The following COL5A1 variants were observed in gnomAD, a reference collection of about 807,000 sequenced individuals.
The protein encoded by COL5A1 is collagen type V alpha 1 chain.
COL5A1 carries 16 observed loss-of-function variants against 263.7 expected under a neutral mutation model. The observed-to-expected ratio is 0.06, with a 90% CI of 0.04 to 0.09. COL5A1 has a LOEUF of 0.09. Ranked by LOEUF, COL5A1 falls within the 10% of genes least tolerant of loss-of-function variation. The pLI is 1.00. For missense variants in COL5A1, 2,036 were observed against 2,540.5 expected, an observed-to-expected ratio of 0.80 and a Z score of 4.27; for synonymous variants, 1,012 against 1,004.5, an observed-to-expected ratio of 1.01 and a Z score of -0.14.
chr9:134,779,984 G>C, intron 27 of COL5A1, 118 bp from the exon 28 acceptor site: 2 of 1,112,366 alleles, frequency 1.8e-6, no homozygotes. Flanking sequence ...TTGAGGGCAG[G>C]GCGCTGGCCT....
At position 134,647,527 on chromosome 9, in the gene COL5A1, G is replaced by A. The variant is rs1831514614; in HGVS notation, c.109+5231G>A. ...CTTGCACATGTACCTGCGTTCACATGGGTGTCCCTGGCTGACTCCACGTGC... is the reference window on the plus strand; with the variant it reads ...CTTGCACATGTACCTGCGTTCACATAGGTGTCCCTGGCTGACTCCACGTGC... On this transcript the variant is annotated intron_variant, in intron 1 of 65. Coordinates refer to ENST00000371817, the MANE Select transcript of COL5A1 (RefSeq NM_000093.5). This position sits in a 1 kb window ranked among gnomAD's most constrained non-coding sequence, Gnocchi z 5.0. Among the ~76,000 whole-genome samples the A allele has an allele frequency of 6.6e-6, 1 of 152,180 alleles. No individual in the cohort carries two copies.
At chr9:134,667,114 G>A (rs1324553639) in intron 1 of COL5A1, among the ~76,000 whole-genome samples, 1 of 152,182 alleles carries the variant, frequency 6.6e-6, no homozygotes, top group African/African-American at 2.4e-5. Context: ...GGAACCATAC[G>A]ACTGAGAGCT....
intron 37 of COL5A1, among the ~76,000 whole-genome samples, chr9:134,801,431 C>A (rs931746351): frequency 5.3e-5 from 8 of 152,186 alleles, no homozygotes; most frequent in African/African-American, 1.9e-4. Flanking sequence ...CGAATCGCGT[C>A]GGCCTAAAGA....
chr9:134,701,546 C>T lies in COL5A1; in HGVS notation c.654+213C>T, dbSNP rs3922644. On this transcript the variant is annotated intron_variant, in intron 4 of 65. Transcript: ENST00000371817. ...GCCAGAGCTGCTGCCGCCTGTAGGC[C>T]GCGTGGGGATGGCAGTGGCCGCCCT... Among the ~76,000 whole-genome samples the T allele has an allele frequency of 0.56, 85,943 of 152,172 alleles. 24,591 individuals are homozygous for T. Among genetic ancestry groups the T allele is most frequent in the Admixed American group, 0.68 (10,395 of 15,286 alleles).
chr9:134,784,589 A>G (rs1837382253), intron 29 of COL5A1, among the ~76,000 whole-genome samples: 1 of 152,274 alleles, frequency 6.6e-6, no homozygotes, highest in Non-Finnish European at 1.5e-5. Flanking sequence ...CTGGGGTTTC[A>G]GAAGCAGCAG....
chr9:134,794,050 AGGCACGGT>A lies in COL5A1; in HGVS notation c.2701-1028_2701-1021del, dbSNP rs369734493. ...CATCAGAAACCAGTCAAGTTCAGCC[AGGCACGGT>A]GGCTCACGCTTGTAATCCCAGCACT... is the stretch of plus-strand genomic sequence containing the variant. On this transcript the variant is annotated intron_variant, in intron 32 of 65. Coordinates refer to ENST00000371817, the MANE Select transcript of COL5A1 (RefSeq NM_000093.5). This position sits in a 1 kb window ranked among gnomAD's most constrained non-coding sequence, Gnocchi z 4.3. Among the ~76,000 whole-genome samples the A allele has an allele frequency of 1.7e-4, 26 of 152,330 alleles. No homozygotes were observed. The highest frequency in any genetic ancestry group is 6.0e-4 in the African/African-American group (25 of 41,572).
chr9:134,715,889 C>T (rs1258654784), intron 4 of COL5A1, among the ~76,000 whole-genome samples: 1 of 152,058 alleles, frequency 6.6e-6, no homozygotes, highest in African/African-American at 2.4e-5. Flanking sequence ...TCTTTCTTTT[C>T]CCCACAATTC....
chr9:134,787,250 C>A (rs963538792), intron 31 of COL5A1, among the ~76,000 whole-genome samples: 7 of 152,178 alleles, frequency 4.6e-5, no homozygotes, highest in African/African-American at 1.4e-4. Flanking sequence ...AGGAATGGTA[C>A]ATGTGTCCTG....
Position 134,700,048 on chromosome 9 carries a change from C to T in COL5A1, c.417C>T (p.Leu139=), listed in dbSNP as rs138687282. 34 of 1,613,370 alleles carry T rather than the reference C, an allele frequency of 2.1e-5. No homozygotes were observed. The African/African-American group carries it at 4.5e-4, about 21-fold the overall frequency. Residue 139 remains leucine, a synonymous_variant, in exon 3 of 66, where the codon CTC becomes CTT. Coordinates refer to ENST00000371817, the MANE Select transcript of COL5A1 (RefSeq NM_000093.5). This position sits in a 1 kb window ranked among gnomAD's most constrained non-coding sequence, Gnocchi z 4.0. ...AGCTGGGCCGCTCTCCCGTCTTCCTCTACGAGGACCACACGGGGAAGCCTG... is the reference window on the plus strand; with the variant it reads ...AGCTGGGCCGCTCTCCCGTCTTCCTTTACGAGGACCACACGGGGAAGCCTG... ...GLELGRSPVF[L]YEDHTGKPGP...
At chr9:134,792,987 G>A (rs1837771172) in intron 32 of COL5A1, among the ~76,000 whole-genome samples, 1 of 152,116 alleles carries the variant, frequency 6.6e-6, no homozygotes, top group Admixed American at 6.5e-5. Flanking sequence ...CTGTCTGCCT[G>A]GTCCTACCTT....
intron 18 of COL5A1, among the ~76,000 whole-genome samples, chr9:134,759,289 C>CCACACAT (rs1310374584): frequency 2.7e-4 from 34 of 126,352 alleles, no homozygotes; most frequent in African/African-American, 4.9e-4. Context: ...TGCACACACA[C>CCACACAT]GCATACACAC....
intron 37 of COL5A1, among the ~76,000 whole-genome samples, chr9:134,801,397 G>C (rs1838107143): frequency 6.6e-6 from 1 of 152,262 alleles, no homozygotes; most frequent in Non-Finnish European, 1.5e-5. Context: ...CTCAGAAAAG[G>C]AGCGTTTGGT....
chr9:134,655,599 C>T (rs1831942874), intron 1 of COL5A1, among the ~76,000 whole-genome samples: 1 of 152,100 alleles, frequency 6.6e-6, no homozygotes. Context: ...TGGCTATGGT[C>T]ATTACTATTA....
In COL5A1 at chr9:134,758,088, C is replaced by T. The variant is rs1263441961; in HGVS notation, c.1882-155C>T. 6.6e-6 allele frequency among the ~76,000 whole-genome samples: 1 copy of T among 152,106 alleles called. No homozygotes were observed. Among genetic ancestry groups the T allele is most frequent in the Non-Finnish European group, 1.5e-5 (1 of 68,024 alleles). ...TGAGATTGTAGATGCAAAGTGGGGG[C>T]CTATGGGGAGAGGGCTGGCCGATGG... On this transcript the variant is annotated intron_variant, in intron 17 of 65. Transcript: ENST00000371817. This position sits in a 1 kb window ranked among gnomAD's most constrained non-coding sequence, Gnocchi z 4.1.
intron 37 of COL5A1, 75 bp from the exon 38 acceptor site, chr9:134,801,879 C>T (rs954355858): frequency 4.4e-6 from 6 of 1,372,504 alleles, no homozygotes; most frequent in Non-Finnish European, 6.2e-6. Flanking sequence ...GGGCAAGCGT[C>T]CTGCTGAGAA....
chr9:134,795,067 C>A lies in COL5A1; in HGVS notation c.2701-15C>A. ...CATTTAGAGAGTGACTGACCAGCCC[C>A]TTCTCTGATTCTAGGGGACCCCTGG... On this transcript the variant is annotated splice_polypyrimidine_tract_variant and intron_variant, in intron 32 of 65. Transcript: ENST00000371817. 2.5e-6 allele frequency: 4 copies of A among 1,613,794 alleles called. No individual in the cohort carries two copies. Among genetic ancestry groups the A allele is most frequent in the Non-Finnish European group, 3.4e-6 (4 of 1,179,784 alleles).
intron 63 of COL5A1, among the ~76,000 whole-genome samples, chr9:134,826,864 CTGGTGTATGT>C (rs557754722): frequency 1.5e-3 from 231 of 150,186 alleles, no homozygotes; most frequent in African/African-American, 5.5e-3. Context: ...GTGTGTGTGG[CTGGTGTATGT>C]GGGTGCATGT....
chr9:134,747,965 AC>A (rs1368885285), intron 11 of COL5A1, among the ~76,000 whole-genome samples: 1 of 152,086 alleles, frequency 6.6e-6, no homozygotes, highest in African/African-American at 2.4e-5. Context: ...ACACATGCAC[AC>A]ATGCATTCAC....
chr9:134,771,633 T>C (rs1456161831), intron 25 of COL5A1, among the ~76,000 whole-genome samples: 1 of 152,240 alleles, frequency 6.6e-6, no homozygotes, highest in African/African-American at 2.4e-5. Flanking sequence ...GACTTGGGTC[T>C]TCTTAATGCT....
Sources: gnomAD v4.1 joint callset for allele counts (sites outside exome capture counted in the v4.1 genomes callset) on GRCh38, gnomAD v4.1.1 for gene constraint, Gnocchi (gnomAD v3.1) non-coding constraint, MANE v1.5 for transcripts, NCBI Gene and HGNC (gene_info 2026-07-23, HGNC 2026-07-21) for gene names.